PMFBP1: variants seen among roughly 807,000 people sequenced by gnomAD.
PMFBP1 encodes the protein polyamine-modulated factor 1-binding protein 1.
A neutral mutation model predicts 137.8 loss-of-function variants in PMFBP1; 131 were observed. The ratio of observed to expected loss-of-function variants is 0.95; its 90% CI spans 0.82 to 1.10. The LOEUF (loss-of-function observed/expected upper bound fraction) is 1.10, where lower values mean the gene tolerates loss of function less well. PMFBP1 is among the 50% of genes least tolerant of loss of function. The pLI, the probability that PMFBP1 is intolerant of heterozygous loss-of-function variation, is 0.00. For synonymous variants in PMFBP1, 490 were observed against 450.4 expected (o/e 1.09, Z -1.11); for missense variants, 1,199 against 1,175.4 (o/e 1.02, Z -0.29).
At chr16:72,142,028 A>G (rs71386950) in intron 5 of PMFBP1, among the ~76,000 whole-genome samples, 13,283 of 151,522 alleles carry the variant, frequency 0.088, 750 homozygotes, top group Middle Eastern at 0.13. Flanking sequence ...AAAAAAAAGC[A>G]AAGCGTTCTA....
chr16:72,121,337 T>C (rs1597456736), intron 19 of PMFBP1, among the ~76,000 whole-genome samples: 4 of 152,132 alleles, frequency 2.6e-5, no homozygotes, highest in Non-Finnish European at 4.4e-5. Context: ...GTGCCCTCCT[T>C]TCCCGGCTCT....
chr16:72,202,780 T>A, the PMFBP1 span, among the ~76,000 whole-genome samples: 19,258 of 152,100 alleles, frequency 0.13, 2,050 homozygotes, highest in African/African-American at 0.29. Flanking sequence ...CTCCTTCCTT[T>A]GTTTCCAAAT....
chr16:72,132,637 C>A, intron 10 of PMFBP1, 111 bp downstream of exon 10: 1 of 1,523,188 alleles, frequency 6.6e-7, no homozygotes. Context: ...TGCAGTGAGA[C>A]ACTGGAGGAG....
the PMFBP1 span, among the ~76,000 whole-genome samples, chr16:72,202,392 G>A: frequency 6.6e-6 from 1 of 152,122 alleles, no homozygotes; most frequent in Non-Finnish European, 1.5e-5. Flanking sequence ...TGCCCAGGCT[G>A]GTCGTGAACT....
intron 3 of PMFBP1, among the ~76,000 whole-genome samples, chr16:72,158,969 T>G (rs889250663): frequency 6.6e-6 from 1 of 152,210 alleles, no homozygotes; most frequent in Non-Finnish European, 1.5e-5. Context: ...CACCCCAGCC[T>G]GGGCAACAGA....
Position 72,130,534 on chromosome 16 carries a change from T to C in PMFBP1, c.1636A>G (p.Arg546Gly). Residue 546 changes from arginine (R) to glycine (G), a missense_variant and splice_region_variant, in exon 11 of 21, where the codon AGA becomes GGA. Coordinates refer to ENST00000237353, the MANE Select transcript of PMFBP1 (RefSeq NM_031293.3). ...SMAEKEQTSN[R>G]KRVEELSLEL... ...GGAGGGGAGCCTGAGCCTGGGCACCTGTTGGAGGTTTGTTCCTTCTCAGCC... is the reference window on the plus strand; with the variant it reads ...GGAGGGGAGCCTGAGCCTGGGCACCCGTTGGAGGTTTGTTCCTTCTCAGCC... 1 of 1,614,026 alleles carries C rather than the reference T, an allele frequency of 6.2e-7. No individual in the cohort carries two copies. Among genetic ancestry groups the C allele is most frequent in the Non-Finnish European group, 8.5e-7 (1 of 1,179,954 alleles).
intron 3 of PMFBP1, among the ~76,000 whole-genome samples, chr16:72,162,712 CCTT>C (rs1312718183): frequency 6.6e-6 from 1 of 152,206 alleles, no homozygotes; most frequent in East Asian, 1.9e-4. Context: ...AGCTGTTAGA[CCTT>C]CTTCTGGGCA....
chr16:72,186,144 T>C, the PMFBP1 span, among the ~76,000 whole-genome samples: 1 of 152,196 alleles, frequency 6.6e-6, no homozygotes, highest in African/African-American at 2.4e-5. Flanking sequence ...TAGACTACTC[T>C]GGTCCAGTCA....
chr16:72,186,193 T>C, the PMFBP1 span, among the ~76,000 whole-genome samples: 1 of 152,278 alleles, frequency 6.6e-6, no homozygotes, highest in East Asian at 1.9e-4. Context: ...CTCCCTAAGG[T>C]GATGCTGGGT....
At chr16:72,144,909 T>A (rs2042782039) in intron 5 of PMFBP1, among the ~76,000 whole-genome samples, 1 of 152,174 alleles carries the variant, frequency 6.6e-6, no homozygotes, top group African/African-American at 2.4e-5. Context: ...CAAGGAGACT[T>A]AGACTCCCAT....
At chr16:72,244,673 G>C in the PMFBP1 span, among the ~76,000 whole-genome samples, 22 of 152,284 alleles carry the variant, frequency 1.4e-4, no homozygotes, top group African/African-American at 5.1e-4. Context: ...TTCTCCAAAA[G>C]GATGACCAAA....
At chr16:72,183,920 T>A in the PMFBP1 span, among the ~76,000 whole-genome samples, 1 of 152,198 alleles carries the variant, frequency 6.6e-6, no homozygotes, top group South Asian at 2.1e-4. Context: ...CAACTCTGAA[T>A]GGCCAAGGTC....
chr16:72,244,038 T>G, the PMFBP1 span, among the ~76,000 whole-genome samples: 2 of 152,210 alleles, frequency 1.3e-5, no homozygotes, highest in African/African-American at 2.4e-5. Flanking sequence ...ATTCTGAGAC[T>G]GTCTAGAGCC....
In PMFBP1 at chr16:72,124,802, C is replaced by A. The variant is rs369149795; in HGVS notation, c.2554G>T (p.Ala852Ser). Residue 852 changes from alanine to serine, a missense_variant, in exon 17 of 21, where the codon GCC (alanine) becomes TCC (serine). Coordinates refer to ENST00000237353, the MANE Select transcript of PMFBP1 (RefSeq NM_031293.3). ...TCCTCAAGGAGGTTCTCTTTTAAGG[C>A]GGCCATCTCCTCCTGGAACTCCCTG... ...QLREFQEEMA[A>S]LKENLLEDDK... 3 of 1,614,100 alleles carry A rather than the reference C, an allele frequency of 1.9e-6. No homozygotes were observed. In the East Asian group the frequency reaches 6.7e-5, roughly 36 times the overall value.
chr16:72,186,212 G>A, the PMFBP1 span, among the ~76,000 whole-genome samples: 1 of 152,184 alleles, frequency 6.6e-6, no homozygotes, highest in East Asian at 1.9e-4. Flanking sequence ...GTATGGTTCA[G>A]CTCTCCCAGA....
At chr16:72,189,392 G>C in the PMFBP1 span, among the ~76,000 whole-genome samples, 37 of 152,322 alleles carry the variant, frequency 2.4e-4, no homozygotes, top group African/African-American at 7.5e-4. Flanking sequence ...GTGTGACCAC[G>C]TGTGGCCCAC....
At chr16:72,238,714 T>C in the PMFBP1 span, among the ~76,000 whole-genome samples, 1 of 152,210 alleles carries the variant, frequency 6.6e-6, no homozygotes, top group Non-Finnish European at 1.5e-5. Context: ...CTTTATTGCA[T>C]AGATAAAGAT....
intron 3 of PMFBP1, among the ~76,000 whole-genome samples, chr16:72,161,808 T>G (rs1178258656): frequency 6.6e-6 from 1 of 152,214 alleles, no homozygotes; most frequent in Admixed American, 6.5e-5. Flanking sequence ...ACATTGCATT[T>G]AGAAGATTCA....
the PMFBP1 span, among the ~76,000 whole-genome samples, chr16:72,200,622 G>A: frequency 6.6e-6 from 1 of 152,222 alleles, no homozygotes. Context: ...GCATTAAAGG[G>A]AAGGACAATC....
Sources: gnomAD v4.1 joint callset for allele counts (sites outside exome capture counted in the v4.1 genomes callset) on GRCh38, gnomAD v4.1.1 for gene constraint, MANE v1.5 for transcripts, NCBI Gene and HGNC (gene_info 2026-07-23, HGNC 2026-07-21) for gene names.